The following ELMO2 variants were observed in gnomAD, a reference collection of about 807,000 sequenced individuals.
ELMO2 encodes the protein engulfment and cell motility 2.
In ELMO2, 37 loss-of-function variants were observed where a neutral mutation model predicts 96.2. The ratio of observed to expected loss-of-function variants is 0.38; its 90% CI spans 0.30 to 0.51. ELMO2 has a LOEUF of 0.51. Among genes scored for constraint, ELMO2 ranks in the 20% least tolerant of loss-of-function variants. The pLI, the probability that ELMO2 is intolerant of heterozygous loss-of-function variation, is 0.88. For missense variants in ELMO2, 561 were observed against 912.6 expected (o/e 0.61, Z 4.96); for synonymous variants, 315 against 329.4 (o/e 0.96, Z 0.47).
intron 2 of ELMO2, among the ~76,000 whole-genome samples, chr20:46,395,518 G>A (rs1490457543): frequency 1.3e-5 from 2 of 152,194 alleles, no homozygotes; most frequent in Non-Finnish European, 2.9e-5. Context: ...CACAATTCAT[G>A]CCTCGCTAAT....
chr20:46,393,947 A>G, intron 4 of ELMO2, 102 bp downstream of exon 4: 1 of 1,504,244 alleles, frequency 6.6e-7, no homozygotes, highest in African/African-American at 1.4e-5. Context: ...CATGCTGAGG[A>G]CCTGCCTAAC....
At chr20:46,370,705 G>A (rs969286486) in intron 19 of ELMO2, among the ~76,000 whole-genome samples, 180 bp from the exon 20 acceptor site, 14 of 152,144 alleles carry the variant, frequency 9.2e-5, no homozygotes, top group Admixed American at 2.6e-4. Flanking sequence ...TGTTCCCTCC[G>A]TCTTGGTCAC....
chr20:46,389,740 T>G lies in ELMO2; in HGVS notation c.244-520A>C, dbSNP rs533865693. On this transcript the variant is annotated intron_variant, in intron 6 of 21. Coordinates refer to ENST00000290246, the MANE Select transcript of ELMO2 (RefSeq NM_133171.5). Reference sequence around the variant, plus strand: ...GGTGCACACCTGTAGTCCTAGCTACTCAGGAGGCTGAGGTGGGAAGACTGC... The same window carrying G: ...GGTGCACACCTGTAGTCCTAGCTACGCAGGAGGCTGAGGTGGGAAGACTGC... Among the ~76,000 whole-genome samples, 3 of 152,202 alleles carry G rather than the reference T, an allele frequency of 2.0e-5. No homozygotes were observed. The South Asian group carries it at 6.2e-4, about 32-fold the overall frequency.
At position 46,371,497 on chromosome 20, in the gene ELMO2, A is replaced by AGG. The variant is rs2059705806; in HGVS notation, c.1694-39_1694-38insCC. ...GGAAGCCAAACAGGTGAGCAACGACAGTACTGGGAAAGGCCTGGGCACAAA... is the reference window on the plus strand; with the variant it reads ...GGAAGCCAAACAGGTGAGCAACGACAGGGTACTGGGAAAGGCCTGGGCACAAA... On this transcript the variant is annotated intron_variant, in intron 18 of 21. Coordinates refer to ENST00000290246, the MANE Select transcript of ELMO2 (RefSeq NM_133171.5). The surrounding 1 kb of genome is among the most constrained non-coding windows in gnomAD (Gnocchi z 5.9). 1.8e-5 allele frequency: 29 copies of AGG among 1,613,028 alleles called. No individual in the cohort carries two copies. Among genetic ancestry groups the AGG allele is most frequent in the Non-Finnish European group, 2.4e-5 (28 of 1,179,156 alleles).
chr20:46,386,086 A>T (rs1406902357), intron 9 of ELMO2, 38 bp downstream of exon 9: 2 of 1,597,818 alleles, frequency 1.3e-6, no homozygotes, highest in South Asian at 2.2e-5. Context: ...AAGAGGACAG[A>T]CAAGTGAAGG....
chr20:46,384,860 G>A (rs1030972178), intron 9 of ELMO2, among the ~76,000 whole-genome samples: 2 of 151,602 alleles, frequency 1.3e-5, no homozygotes, highest in East Asian at 1.9e-4. Flanking sequence ...CCAGCTACTC[G>A]GGAGGCTGAG....
intron 1 of ELMO2, among the ~76,000 whole-genome samples, chr20:46,402,926 T>C (rs1439435442): frequency 2.6e-5 from 4 of 152,196 alleles, no homozygotes; most frequent in South Asian, 4.1e-4. Flanking sequence ...TGAGGAAGTG[T>C]AGCTTAACAA....
At chr20:46,374,229 A>C in intron 15 of ELMO2, 103 bp downstream of exon 15, 1 of 887,500 alleles carries the variant, frequency 1.1e-6, no homozygotes, top group Non-Finnish European at 1.8e-6. Context: ...GGTGTGAACC[A>C]CCACGCCCGA....
chr20:46,373,597 T>C (rs1476905953), intron 15 of ELMO2, 62 bp from the exon 16 acceptor site: 21 of 1,585,910 alleles, frequency 1.3e-5, no homozygotes, highest in East Asian at 2.3e-5. Flanking sequence ...TGGGAGCTCA[T>C]GTCTGGAAAC....
intron 1 of ELMO2, among the ~76,000 whole-genome samples, chr20:46,401,291 C>T (rs2060330732): frequency 6.6e-6 from 1 of 152,206 alleles, no homozygotes; most frequent in Non-Finnish European, 1.5e-5. Context: ...GAGGATTTGA[C>T]TGGCAGAGAT....
rs1464039666 is a variant in ELMO2, at chr20:46,382,239, G to T, written c.756+1177C>A. ...GCAGGTCTAGAGGATTAAGGTGCTT[G>T]TCCTGCCGGCAGAAAGCAAAAGCAC... On this transcript the variant is annotated intron_variant, in intron 10 of 21. Coordinates refer to ENST00000290246, the MANE Select transcript of ELMO2 (RefSeq NM_133171.5). 6 of 1,289,720 alleles carry T rather than the reference G, an allele frequency of 4.7e-6. No individual in the cohort carries two copies. The Admixed American group carries it at 1.4e-4, about 30-fold the overall frequency. The allele number at this position is 1,289,720 out of a possible 1,614,324, so 79.9% of individuals were successfully genotyped here.
chr20:46,381,699 G>A (rs1196423233), intron 10 of ELMO2, among the ~76,000 whole-genome samples: 42 of 152,132 alleles, frequency 2.8e-4, no homozygotes, highest in Admixed American at 2.6e-3. Context: ...GTCAGGGGGA[G>A]GCACTTATCC....
chr20:46,399,738 G>A (rs1214848231), intron 1 of ELMO2, among the ~76,000 whole-genome samples: 2 of 152,192 alleles, frequency 1.3e-5, no homozygotes, highest in Non-Finnish European at 2.9e-5. Context: ...AAACCCAATG[G>A]CTCTGATTTC....
chr20:46,401,667 G>C (rs1469873749), intron 1 of ELMO2, among the ~76,000 whole-genome samples: 1 of 152,130 alleles, frequency 6.6e-6, no homozygotes, highest in Admixed American at 6.5e-5. Context: ...ATTCGCTTTT[G>C]CAGATGCCAT....
chr20:46,374,499 G>A (rs1662634975), intron 14 of ELMO2, 37 bp downstream of exon 14: 5 of 1,611,432 alleles, frequency 3.1e-6, no homozygotes, highest in Admixed American at 1.7e-5. Flanking sequence ...AGGAGATGTG[G>A]CACCAGGACT....
In ELMO2 at chr20:46,368,901, T is replaced by G; in HGVS notation, c.1952A>C (p.Asn651Thr). Residue 651 changes from asparagine to threonine, a missense_variant, in exon 21 of 22, where the codon AAT (asparagine) becomes ACT (threonine). Asn to Thr is a moderately conservative substitution (Grantham distance 65). Coordinates refer to ENST00000290246, the MANE Select transcript of ELMO2 (RefSeq NM_133171.5). ...PDETLNFIAP[N>T]KYEYCIWIDG... ...CGCCACACTGCTCACCTCATATTTATTAGGTGCGATGAAGTTTAAGGTCTC... is the reference window on the plus strand; with the variant it reads ...CGCCACACTGCTCACCTCATATTTAGTAGGTGCGATGAAGTTTAAGGTCTC... 6.2e-7 allele frequency: 1 copy of G among 1,614,192 alleles called. No homozygotes were observed. The highest frequency in any genetic ancestry group is 8.5e-7 in the Non-Finnish European group (1 of 1,180,022).
rs1202077385 is a variant in ELMO2, at chr20:46,367,416, G to C, written c.2107C>G (p.Pro703Ala). ...DLENIQIPEA[P>A]PPIPKEPSSY... ...CTGGGCTCCTTGGGGATGGGGGGTG[G>C]GGCTTCGGGAATCTGGATGTTCTCC... is the stretch of plus-strand genomic sequence containing the variant. The change falls in exon 22 of 22, where the codon CCA becomes GCA. Residue 703 changes from proline to alanine, a missense_variant. By Grantham distance (27) the Pro-to-Ala change is conservative. Coordinates refer to ENST00000290246, the MANE Select transcript of ELMO2 (RefSeq NM_133171.5). The C allele has an allele frequency of 2.5e-6, 4 of 1,611,150 alleles. No homozygotes were observed. Among genetic ancestry groups the C allele is most frequent in the African/African-American group, 1.3e-5 (1 of 74,686 alleles).
intron 15 of ELMO2, 111 bp downstream of exon 15, chr20:46,374,221 T>G: frequency 1.3e-6 from 1 of 784,988 alleles, no homozygotes; most frequent in South Asian, 1.6e-5. Flanking sequence ...AGATTACAGG[T>G]GTGAACCACC....
Position 46,367,002 on chromosome 20 carries a change from TC to T in ELMO2, c.*357del, listed in dbSNP as rs1287810869. On this transcript the variant is annotated 3_prime_UTR_variant, in exon 22 of 22. Transcript: ENST00000290246. The stretch of plus-strand genomic sequence containing the variant: ...GGGCCAGCTGTTGCTCACGTGGGGA[TC>T]CAGCTGATCAGAGAGCAGGCTCAGG... 1 of 179,858 alleles carries T rather than the reference TC, an allele frequency of 5.6e-6. No individual in the cohort carries two copies. Among genetic ancestry groups the T allele is most frequent in the African/African-American group, 2.4e-5 (1 of 42,368 alleles). The allele number at this position is 179,858 out of a possible 1,614,324, so 11.1% of individuals were successfully genotyped here. A position where few individuals can be genotyped will look rare whatever the true frequency, so the allele number is the denominator to read the frequency against.
Sources: allele counts gnomAD v4.1 joint callset (sites outside exome capture counted in the v4.1 genomes callset), GRCh38; gene constraint gnomAD v4.1.1; non-coding constraint Gnocchi (gnomAD v3.1); transcripts MANE v1.5; gene names NCBI Gene and HGNC (gene_info 2026-07-23, HGNC 2026-07-21).